The following PTPRD variants were observed in gnomAD, a reference collection of about 807,000 sequenced individuals.
PTPRD encodes receptor-type tyrosine-protein phosphatase delta.
PTPRD carries 34 observed loss-of-function variants against 214.5 expected under a neutral mutation model. That is an observed-to-expected ratio of 0.16 (90% CI 0.12 to 0.21). The LOEUF (loss-of-function observed/expected upper bound fraction) is 0.21, where lower values mean the gene tolerates loss of function less well. Ranked by LOEUF, PTPRD falls within the 10% of genes least tolerant of loss-of-function variation. The probability of loss-of-function intolerance (pLI) is 1.00; values close to 1 mark genes in which losing one functional copy is unlikely to be tolerated. For synonymous variants in PTPRD, 1,128 were observed against 845.7 expected (o/e 1.33, Z -5.79); for missense variants, 2,545 against 2,398.7 (o/e 1.06, Z -1.27).
chr9:9,058,122 T>C (rs557166730), intron 10 of PTPRD, among the ~76,000 whole-genome samples: 1 of 152,248 alleles, frequency 6.6e-6, no homozygotes, highest in Non-Finnish European at 1.5e-5. Flanking sequence ...AGAGAAGTCT[T>C]CCAAATAAAT....
intron 5 of PTPRD, among the ~76,000 whole-genome samples, chr9:9,885,799 T>C (rs927798928): frequency 3.3e-5 from 5 of 151,876 alleles, no homozygotes; most frequent in African/African-American, 4.8e-5. Context: ...AACTGTAAGA[T>C]AGTAATTTTG....
chr9:10,530,633 G>A (rs551744214), intron 2 of PTPRD, among the ~76,000 whole-genome samples: 1 of 152,072 alleles, frequency 6.6e-6, no homozygotes, highest in Non-Finnish European at 1.5e-5. Context: ...CTCAGGAAAT[G>A]ATGGGACTAT....
chr9:9,145,976 A>T (rs1022931022), intron 10 of PTPRD, among the ~76,000 whole-genome samples: 4 of 152,210 alleles, frequency 2.6e-5, no homozygotes, highest in Admixed American at 1.3e-4. Context: ...AAGAACGGGA[A>T]ACAAGTGCCT....
intron 11 of PTPRD, among the ~76,000 whole-genome samples, chr9:8,913,318 G>A (rs945836191): frequency 2.0e-5 from 3 of 152,080 alleles, no homozygotes; most frequent in Admixed American, 6.6e-5. Context: ...TGCCTTTGGA[G>A]TTACTATTTT....
intron 14 of PTPRD, among the ~76,000 whole-genome samples, chr9:8,546,310 T>G (rs986127006): frequency 4.6e-5 from 7 of 152,204 alleles, no homozygotes; most frequent in African/African-American, 1.7e-4. Context: ...GACATGTGTT[T>G]TGTTATAATT....
chr9:9,157,646 G>T (rs560019784), intron 10 of PTPRD, among the ~76,000 whole-genome samples: 1 of 152,122 alleles, frequency 6.6e-6, no homozygotes, highest in Non-Finnish European at 1.5e-5. Flanking sequence ...TCAAAGAGAA[G>T]CCCAGGACCA....
chr9:8,708,994 G>A (rs2098269178), intron 12 of PTPRD, among the ~76,000 whole-genome samples: 2 of 151,980 alleles, frequency 1.3e-5, no homozygotes, highest in Admixed American at 6.6e-5. Context: ...AGTAAGCCAG[G>A]CACAAAAAGA....
chr9:10,085,733 G>C (rs545647082), intron 3 of PTPRD, among the ~76,000 whole-genome samples: 1 of 151,652 alleles, frequency 6.6e-6, no homozygotes, highest in Non-Finnish European at 1.5e-5. Context: ...ATGGCTATTT[G>C]CTTAGCAACA....
At chr9:9,547,445 T>C (rs2079061750) in intron 8 of PTPRD, among the ~76,000 whole-genome samples, 1 of 152,092 alleles carries the variant, frequency 6.6e-6, no homozygotes, top group Non-Finnish European at 1.5e-5. Context: ...AGGACTTAAT[T>C]AGGAATCAAG....
intron 3 of PTPRD, among the ~76,000 whole-genome samples, chr9:10,203,313 A>G (rs2099441608): frequency 1.3e-5 from 2 of 151,994 alleles, no homozygotes; most frequent in Admixed American, 6.6e-5. Context: ...GTTGCTTAAA[A>G]TTAACTAGTT....
At chr9:8,989,139 A>G (rs2099356649) in intron 11 of PTPRD, among the ~76,000 whole-genome samples, 1 of 151,970 alleles carries the variant, frequency 6.6e-6, no homozygotes, top group Admixed American at 6.6e-5. Flanking sequence ...ATATTTTGAT[A>G]CCTGTACACA....
intron 3 of PTPRD, among the ~76,000 whole-genome samples, chr9:10,277,763 C>A (rs150616071): frequency 2.6e-3 from 399 of 152,096 alleles, no homozygotes; most frequent in Middle Eastern, 3.4e-3. Flanking sequence ...AAAGAATCAC[C>A]TACATAGTGG....
Position 9,665,698 on chromosome 9 carries a change from A to G in PTPRD, c.-287+68835T>C, listed in dbSNP as rs915413722. 7.9e-5 allele frequency among the ~76,000 whole-genome samples: 12 copies of G among 151,756 alleles called. No homozygotes were observed. In the South Asian group the frequency reaches 2.5e-3, roughly 31 times the overall value. On this transcript the variant is annotated intron_variant, in intron 7 of 45. Coordinates refer to ENST00000381196, the MANE Select transcript of PTPRD (RefSeq NM_002839.4). ...ACTCAGAATAGTTCTATTTGAATTT[A>G]TTTATATCCTTTTTTCCTAGCCCAC... is the stretch of plus-strand genomic sequence containing the variant.
At chr9:9,141,150 C>T (rs2099859727) in intron 10 of PTPRD, among the ~76,000 whole-genome samples, 1 of 149,746 alleles carries the variant, frequency 6.7e-6, no homozygotes, top group Non-Finnish European at 1.5e-5. Flanking sequence ...TCTTCTCTCC[C>T]ATCCTCCCCT....
At chr9:9,079,483 C>T (rs1255751671) in intron 10 of PTPRD, among the ~76,000 whole-genome samples, 1 of 152,064 alleles carries the variant, frequency 6.6e-6, no homozygotes, top group African/African-American at 2.4e-5. Flanking sequence ...GCAGATGTCT[C>T]TTCGATCTTC....
intron 10 of PTPRD, among the ~76,000 whole-genome samples, chr9:9,067,661 AG>A (rs2099737003): frequency 6.6e-6 from 1 of 152,196 alleles, no homozygotes; most frequent in African/African-American, 2.4e-5. Flanking sequence ...GTTATAATAT[AG>A]ATTTGCATAT....
At chr9:9,766,313 C>T (rs943075485) in intron 6 of PTPRD, among the ~76,000 whole-genome samples, 2 of 152,058 alleles carry the variant, frequency 1.3e-5, no homozygotes, top group African/African-American at 4.8e-5. Flanking sequence ...TCATGTAGTA[C>T]GTTTATATAC....
chr9:8,736,062 T>G (rs1428081424), intron 11 of PTPRD, among the ~76,000 whole-genome samples: 5 of 152,094 alleles, frequency 3.3e-5, no homozygotes, highest in Admixed American at 3.3e-4. Context: ...GAACCAGGCT[T>G]TGGAAAGATT....
In PTPRD at chr9:9,848,556, T is replaced by C. The variant is rs2059963954; in HGVS notation, c.-367-81705A>G. On this transcript the variant is annotated intron_variant, in intron 5 of 45. Coordinates refer to ENST00000381196, the MANE Select transcript of PTPRD (RefSeq NM_002839.4). ...TTTAAGAATTGAAGACCTTGTCCAA[T>C]ATGACAGCCTTTAAGTGGTAGATCC... is the stretch of plus-strand genomic sequence containing the variant. Among the ~76,000 whole-genome samples the C allele has an allele frequency of 2.0e-5, 3 of 152,234 alleles. No individual in the cohort carries two copies. In the Middle Eastern group the frequency reaches 0.01, roughly 518 times the overall value.
Sources: gnomAD v4.1 joint callset for allele counts (sites outside exome capture counted in the v4.1 genomes callset) on GRCh38, gnomAD v4.1.1 for gene constraint, MANE v1.5 for transcripts, NCBI Gene and HGNC (gene_info 2026-07-23, HGNC 2026-07-21) for gene names.